PPP2R3B: variants seen among roughly 807,000 people sequenced by gnomAD.
The protein encoded by PPP2R3B is protein phosphatase 2 regulatory subunit B''beta, also known as serine/threonine-protein phosphatase 2A regulatory subunit B'' subunit beta.
In PPP2R3B, 68 loss-of-function variants were observed where a neutral mutation model predicts 72.9. The ratio of observed to expected loss-of-function variants is 0.93; its 90% CI spans 0.77 to 1.14. PPP2R3B has a LOEUF of 1.14. PPP2R3B is among the 50% of genes most tolerant of loss of function. The pLI is 0.00. For missense variants in PPP2R3B, 1,018 were observed against 842.0 expected (o/e 1.21, Z -2.59); for synonymous variants, 466 against 375.8 (o/e 1.24, Z -2.78).
chrX:373,190 C>T (rs1283752945), intron 1 of PPP2R3B, among the ~76,000 whole-genome samples: 1 of 152,210 alleles, frequency 6.6e-6, no homozygotes, highest in Non-Finnish European at 1.5e-5. Flanking sequence ...CACTCCCAGG[C>T]GCTGACGGCT....
rs1358713443 is a variant in PPP2R3B, at chrX:344,191, T to G, written c.1036+1325A>C. Reference sequence around the variant, plus strand: ...AGACCTCACCAACGGGAGGCGGGAGTGAGACCTCAGCAACGGGAGGCGGGA... The same window carrying G: ...AGACCTCACCAACGGGAGGCGGGAGGGAGACCTCAGCAACGGGAGGCGGGA... On this transcript the variant is annotated intron_variant, in intron 7 of 12. Transcript: ENST00000390665. Among the ~76,000 whole-genome samples, 144 of 46,310 alleles carry G rather than the reference T, an allele frequency of 3.1e-3. 2 individuals are homozygous for G. The highest frequency in any genetic ancestry group is 5.0e-3 in the Admixed American group (21 of 4,198). 30.4% of individuals were successfully genotyped at this position (46,310 alleles called of 152,430 possible).
Position 350,388 on chromosome X carries a change from C to T in PPP2R3B, c.511-2695G>A, listed in dbSNP as rs28379128. ...CTGAAGGAAGGGAGCACCGCTGCAC[C>T]GCCCCAGCGCAGGACTCAGGGTCAG... On this transcript the variant is annotated intron_variant, in intron 2 of 12. Coordinates refer to ENST00000390665, the MANE Select transcript of PPP2R3B (RefSeq NM_013239.5). 4.9e-3 allele frequency among the ~76,000 whole-genome samples: 753 copies of T among 152,328 alleles called. 9 individuals are homozygous for T. Among genetic ancestry groups the T allele is most frequent in the African/African-American group, 0.017 (689 of 41,586 alleles).
intron 1 of PPP2R3B, among the ~76,000 whole-genome samples, chrX:363,849 G>C (rs892033566): frequency 6.6e-6 from 1 of 152,262 alleles, no homozygotes; most frequent in Non-Finnish European, 1.5e-5. Context: ...CTGACCCCGC[G>C]AATATTCTGC....
intron 1 of PPP2R3B, 49 bp from the exon 2 acceptor site, chrX:361,639 G>T (rs754397232): frequency 1.9e-6 from 3 of 1,599,274 alleles, no homozygotes; most frequent in Non-Finnish European, 2.6e-6. Context: ...AGCATCGAAC[G>T]CCTTCTTCAC....
intron 5 of PPP2R3B, 159 bp downstream of exon 5, chrX:346,542 T>G: frequency 1.4e-6 from 1 of 716,750 alleles, no homozygotes; most frequent in Non-Finnish European, 2.3e-6. Context: ...AACACCGGGC[T>G]CCCGGGCGGG....
rs2071200822 is a variant in PPP2R3B at position 346,063 on chromosome X, G to A, written c.879+111C>T. ...TGGAGGTGGGGGTGGGGGTGGGGGTGGGAGAGGGGGTGGGAGGGGAGGAGG... is the reference window on the plus strand; with the variant it reads ...TGGAGGTGGGGGTGGGGGTGGGGGTAGGAGAGGGGGTGGGAGGGGAGGAGG... On this transcript the variant is annotated intron_variant, in intron 6 of 12. Transcript: ENST00000390665. 1.3e-5 allele frequency: 7 copies of A among 539,876 alleles called. No homozygotes were observed. In the East Asian group the frequency reaches 2.4e-4, roughly 18 times the overall value. 33.4% of individuals were successfully genotyped at this position (539,876 alleles called of 1,614,324 possible). A position where few individuals can be genotyped will look rare whatever the true frequency, so the allele number is the denominator to read the frequency against.
At chrX:347,831 G>T in intron 2 of PPP2R3B, 138 bp from the exon 3 acceptor site, 1 of 615,014 alleles carries the variant, frequency 1.6e-6, no homozygotes, top group Non-Finnish European at 2.8e-6. Context: ...CGGCCTGTCT[G>T]GGCATCTGCA....
In PPP2R3B at chrX:353,585, A is replaced by G. The variant is rs372938143; in HGVS notation, c.511-5892T>C. On this transcript the variant is annotated intron_variant, in intron 2 of 12. Coordinates refer to ENST00000390665, the MANE Select transcript of PPP2R3B (RefSeq NM_013239.5). Reference sequence around the variant, plus strand: ...ATTTTCCAAGCAACTCTCCGAGGCCAGCATCCCCCCGATGCTAAACCAGAC... The same window carrying G: ...ATTTTCCAAGCAACTCTCCGAGGCCGGCATCCCCCCGATGCTAAACCAGAC... 1.3e-4 allele frequency among the ~76,000 whole-genome samples: 20 copies of G among 152,404 alleles called. 1 individual carries two copies. Among genetic ancestry groups the G allele is most frequent in the African/African-American group, 3.6e-4 (15 of 41,608 alleles).
chrX:383,469 T>C (rs191967866), intron 1 of PPP2R3B, among the ~76,000 whole-genome samples: 1 of 152,262 alleles, frequency 6.6e-6, no homozygotes, highest in Admixed American at 6.5e-5. Context: ...GCCATACGTG[T>C]TTCTATAACA....
At chrX:354,243 A>G (rs867367069) in intron 2 of PPP2R3B, among the ~76,000 whole-genome samples, 16,316 of 60,116 alleles carry the variant, frequency 0.27, 1,415 homozygotes, top group Admixed American at 0.38. Flanking sequence ...GCTCACCCAA[A>G]CACTGGGGGC....
intron 1 of PPP2R3B, among the ~76,000 whole-genome samples, chrX:375,487 G>T (rs5987280): frequency 2.2e-5 from 3 of 133,380 alleles, no homozygotes; most frequent in Non-Finnish European, 4.7e-5. Flanking sequence ...GCAGAGGTGC[G>T]GCCCAGTAAC....
chrX:368,571 C>A (rs1451652384), intron 1 of PPP2R3B, among the ~76,000 whole-genome samples: 2 of 117,340 alleles, frequency 1.7e-5, no homozygotes, highest in Admixed American at 1.7e-4. Flanking sequence ...GGGGGAAGGC[C>A]GGGACCACCC....
chrX:368,449 G>C lies in PPP2R3B; in HGVS notation c.325-6859C>G, dbSNP rs777623819. Among the ~76,000 whole-genome samples the C allele has an allele frequency of 3.4e-4, 13 of 37,682 alleles. 2 individuals carry two copies. The South Asian group carries it at 9.2e-3, about 27-fold the overall frequency. 24.7% of individuals were successfully genotyped at this position (37,682 alleles called of 152,430 possible). On this transcript the variant is annotated intron_variant, in intron 1 of 12. Coordinates refer to ENST00000390665, the MANE Select transcript of PPP2R3B (RefSeq NM_013239.5). Reference sequence around the variant, plus strand: ...GGACCACCCACCCCGGGCACTGACGGGGGGGAAGGCCGGGACCACCCACCC... The same window carrying C: ...GGACCACCCACCCCGGGCACTGACGCGGGGGAAGGCCGGGACCACCCACCC...
chrX:341,999 G>C, intron 7 of PPP2R3B, 68 bp from the exon 8 acceptor site: 1 of 1,586,680 alleles, frequency 6.3e-7, no homozygotes, highest in South Asian at 1.1e-5. Flanking sequence ...ACCCCCCGGA[G>C]CCGAGACTGG....
At chrX:336,089 G>A (rs2070881620) in intron 12 of PPP2R3B, 2 of 152,164 alleles carry the variant, frequency 1.3e-5, no homozygotes, top group Non-Finnish European at 2.9e-5. Flanking sequence ...GATTCCTTAA[G>A]CCCAGCAGGT....
At chrX:371,764 A>G (rs750506606) in intron 1 of PPP2R3B, among the ~76,000 whole-genome samples, 93 of 152,090 alleles carry the variant, frequency 6.1e-4, no homozygotes, top group Non-Finnish European at 1.1e-3. Context: ...CAGAGCCCAC[A>G]CTCATGCGCG....
At chrX:379,763 C>G (rs182760036) in intron 1 of PPP2R3B, among the ~76,000 whole-genome samples, 1 of 152,186 alleles carries the variant, frequency 6.6e-6, no homozygotes, top group African/African-American at 2.4e-5. Flanking sequence ...TATCAATTAT[C>G]CTAAATTGAT....
chrX:338,504 C>T, intron 12 of PPP2R3B, 100 bp downstream of exon 12: 5 of 1,209,796 alleles, frequency 4.1e-6, no homozygotes, highest in South Asian at 4.0e-5. Context: ...ACCCCGCATC[C>T]CCCGGCTGCA....
At chrX:334,598 G>C (rs1408086874) in intron 12 of PPP2R3B, 81 bp from the exon 13 acceptor site, 2 of 1,352,742 alleles carry the variant, frequency 1.5e-6, no homozygotes, top group African/African-American at 1.5e-5. Flanking sequence ...CAGGCTGCTC[G>C]GCCGCCAACC....
Sources: gnomAD v4.1 joint callset for allele counts (sites outside exome capture counted in the v4.1 genomes callset) on GRCh38, gnomAD v4.1.1 for gene constraint, MANE v1.5 for transcripts, NCBI Gene and HGNC (gene_info 2026-07-23, HGNC 2026-07-21) for gene names.